The following AGBL1 variants were observed in gnomAD, a reference collection of about 807,000 sequenced individuals.
The protein encoded by AGBL1 is cytosolic carboxypeptidase 4.
A neutral mutation model predicts 118.9 loss-of-function variants in AGBL1; 130 were observed. The ratio of observed to expected loss-of-function variants is 1.09; its 90% CI spans 0.95 to 1.26. The LOEUF is 1.26. Among genes scored for constraint, AGBL1 ranks in the 50% most tolerant of loss-of-function variants. The probability of loss-of-function intolerance (pLI) is 0.00; values close to 1 mark genes in which losing one functional copy is unlikely to be tolerated. For synonymous variants in AGBL1, 555 were observed against 478.9 expected (o/e 1.16, Z -2.08); for missense variants, 1,584 against 1,298.1 (o/e 1.22, Z -3.38).
At chr15:86,865,682 C>T (rs1036597268) in intron 22 of AGBL1, among the ~76,000 whole-genome samples, 5 of 152,230 alleles carry the variant, frequency 3.3e-5, no homozygotes, top group African/African-American at 9.6e-5. Flanking sequence ...CATCCACTAA[C>T]ACCTGATGTC....
chr15:87,028,772 G>C, intron 24 of AGBL1: 1 of 1,559,136 alleles, frequency 6.4e-7, no homozygotes, highest in Non-Finnish European at 8.8e-7. Context: ...GCACAAACCA[G>C]AAGTTACACG....
intron 22 of AGBL1, among the ~76,000 whole-genome samples, chr15:86,759,213 C>T (rs895726605): frequency 6.6e-6 from 1 of 151,920 alleles, no homozygotes; most frequent in Admixed American, 6.6e-5. Flanking sequence ...TTTTTAAAGA[C>T]AGTTGGCCAG....
intron 6 of AGBL1, among the ~76,000 whole-genome samples, chr15:86,239,169 G>A (rs1367755865): frequency 1.3e-5 from 2 of 152,236 alleles, no homozygotes; most frequent in African/African-American, 2.4e-5. Context: ...ACAGTGGTCT[G>A]AAGTGTAGTC....
intron 5 of AGBL1, among the ~76,000 whole-genome samples, chr15:86,187,358 T>C (rs995578341): frequency 6.6e-6 from 1 of 152,206 alleles, no homozygotes; most frequent in African/African-American, 2.4e-5. Flanking sequence ...AGTTAAAACT[T>C]CAGAGTTCTG....
chr15:86,766,639 C>A (rs1019657539), intron 22 of AGBL1, among the ~76,000 whole-genome samples: 2 of 151,786 alleles, frequency 1.3e-5, no homozygotes, highest in Non-Finnish European at 2.9e-5. Flanking sequence ...CTTATTCATC[C>A]ATTTGTCCAT....
chr15:86,364,184 T>TA (rs1418169872), intron 17 of AGBL1, among the ~76,000 whole-genome samples: 4 of 152,154 alleles, frequency 2.6e-5, no homozygotes, highest in African/African-American at 4.8e-5. Context: ...AAAAATTAAA[T>TA]ACAGTGTGAA....
intron 21 of AGBL1, among the ~76,000 whole-genome samples, chr15:86,638,966 A>T (rs1567097090): frequency 6.6e-6 from 1 of 152,020 alleles, no homozygotes; most frequent in Non-Finnish European, 1.5e-5. Flanking sequence ...GGTAGACGGG[A>T]TTCAGTTTCT....
chr15:86,257,133 T>C (rs1411184685), intron 8 of AGBL1, 115 bp downstream of exon 8: 1 of 1,158,664 alleles, frequency 8.6e-7, no homozygotes, highest in African/African-American at 1.6e-5. Flanking sequence ...CATAATTGTC[T>C]ATTAAGCTAA....
At chr15:87,005,093 T>C (rs10852084) in intron 24 of AGBL1, among the ~76,000 whole-genome samples, 95,266 of 151,918 alleles carry the variant, frequency 0.63, 30,409 homozygotes, top group South Asian at 0.76. Context: ...TTGTGGGTAA[T>C]CTGACCTTTC....
chr15:86,114,388 T>C (rs1466373245), intron 1 of AGBL1, among the ~76,000 whole-genome samples: 1 of 152,194 alleles, frequency 6.6e-6, no homozygotes, highest in Non-Finnish European at 1.5e-5. Context: ...CTGCGTCTTC[T>C]ACTCTGGTCT....
At chr15:86,658,499 T>A (rs1030138051) in intron 21 of AGBL1, among the ~76,000 whole-genome samples, 2 of 152,096 alleles carry the variant, frequency 1.3e-5, no homozygotes, top group Non-Finnish European at 2.9e-5. Flanking sequence ...TAAGTAAGAG[T>A]CAATAATATC....
At chr15:86,989,646 A>G (rs2081318966) in intron 24 of AGBL1, among the ~76,000 whole-genome samples, 1 of 152,222 alleles carries the variant, frequency 6.6e-6, no homozygotes, top group Non-Finnish European at 1.5e-5. Flanking sequence ...AAGAATGGTG[A>G]TAAAGATTTT....
intron 5 of AGBL1, among the ~76,000 whole-genome samples, chr15:86,168,822 G>T (rs1324404028): frequency 6.6e-6 from 1 of 152,120 alleles, no homozygotes; most frequent in Non-Finnish European, 1.5e-5. Flanking sequence ...TGATTTCTGA[G>T]ATTGTTGTCT....
At chr15:86,689,954 C>T (rs145867372) in intron 22 of AGBL1, among the ~76,000 whole-genome samples, 2 of 152,206 alleles carry the variant, frequency 1.3e-5, no homozygotes, top group African/African-American at 4.8e-5. Context: ...GTGTGCTAAA[C>T]CTGCAAAAGC....
chr15:86,259,787 C>T lies in AGBL1; in HGVS notation c.969+1756C>T, dbSNP rs1005599636. Among the ~76,000 whole-genome samples the T allele has an allele frequency of 3.0e-3, 456 of 152,332 alleles. 6 individuals are homozygous for T. The highest frequency in any genetic ancestry group is 0.01 in the African/African-American group (426 of 41,572). On this transcript the variant is annotated intron_variant, in intron 9 of 22. Transcript: ENST00000614907. Reference sequence around the variant, plus strand: ...TGCAGTCATTCATCAATGCCACTTTCCCCTCCCCTCTTGCTTGCTCTTTGA... The same window carrying T: ...TGCAGTCATTCATCAATGCCACTTTTCCCTCCCCTCTTGCTTGCTCTTTGA...
intron 4 of AGBL1, among the ~76,000 whole-genome samples, chr15:86,157,843 C>G (rs138119834): frequency 1.3e-5 from 2 of 152,128 alleles, no homozygotes; most frequent in African/African-American, 4.8e-5. Context: ...ACAGAGCTGC[C>G]GGAGCTCTAA....
intron 21 of AGBL1, among the ~76,000 whole-genome samples, chr15:86,576,785 C>T (rs900587006): frequency 1.4e-4 from 21 of 152,142 alleles, no homozygotes; most frequent in African/African-American, 4.6e-4. Flanking sequence ...TGATGGTTAT[C>T]GTAAGGAGGA....
chr15:86,686,450 T>G (rs956300919), intron 22 of AGBL1, among the ~76,000 whole-genome samples: 2 of 150,414 alleles, frequency 1.3e-5, no homozygotes, highest in African/African-American at 4.9e-5. Flanking sequence ...AAGTTTTTTT[T>G]TTTTTTTTTT....
chr15:86,927,618 G>T (rs2080558692), intron 23 of AGBL1, among the ~76,000 whole-genome samples: 1 of 152,104 alleles, frequency 6.6e-6, no homozygotes. Context: ...TTTTTAAAAA[G>T]TTACTTTAGG....
Sources: allele counts gnomAD v4.1 joint callset (sites outside exome capture counted in the v4.1 genomes callset), GRCh38; gene constraint gnomAD v4.1.1; transcripts MANE v1.5; gene names NCBI Gene and HGNC (gene_info 2026-07-23, HGNC 2026-07-21).